Variants in UNC13A observed in about 807,000 individuals in gnomAD.
UNC13A encodes unc-13 homolog A, also known as protein unc-13 homolog A.
In UNC13A, 61 loss-of-function variants were observed where a neutral mutation model predicts 219.7. That is an observed-to-expected ratio of 0.28 (90% confidence interval 0.23 to 0.34). UNC13A has a LOEUF of 0.34. Ranked by LOEUF, UNC13A falls within the 10% of genes least tolerant of loss-of-function variation. The pLI is 1.00. For synonymous variants in UNC13A, 920 were observed against 884.6 expected, an observed-to-expected ratio of 1.04 and a Z score of -0.71; for missense variants, 1,476 against 2,270.3, an observed-to-expected ratio of 0.65 and a Z score of 7.11.
chr19:17,681,437 T>C (rs1568276241), intron 1 of UNC13A, among the ~76,000 whole-genome samples: 1 of 152,156 alleles, frequency 6.6e-6, no homozygotes, highest in Non-Finnish European at 1.5e-5. Flanking sequence ...GGGAGATGGA[T>C]GGGCTTTAGG....
Position 17,674,147 on chromosome 19 carries a change from C to T in UNC13A, c.152+510G>A, listed in dbSNP as rs1037316118. 2.6e-5 allele frequency among the ~76,000 whole-genome samples: 4 copies of T among 152,026 alleles called. No homozygotes were observed. Among genetic ancestry groups the T allele is most frequent in the Non-Finnish European group, 5.9e-5 (4 of 68,016 alleles). On this transcript the variant is annotated intron_variant, in intron 3 of 43. Transcript: ENST00000519716. This position sits in a 1 kb window ranked among gnomAD's most constrained non-coding sequence, Gnocchi z 5.0. ...CAAGCTGAGACCTGAAGGAGAAGAG[C>T]CAGCTGGGGACAGGAGAGCAAGTGC...
chr19:17,641,514 C>T lies in UNC13A; in HGVS notation c.2515G>A (p.Val839Met), dbSNP rs780362699. Residue 839 changes from valine (V) to methionine (M), a missense_variant, in exon 21 of 44, where the codon GTG becomes ATG. By Grantham distance (21) the Val-to-Met change is conservative. Transcript: ENST00000519716. ...FVTDVQNNGV[V>M]KIPDAKGDDA... ...TCACCCTTGGCATCTGGGATCTTCA[C>T]GACCCCATTGTTCTGCACGTCGGTC... 2.6e-5 allele frequency: 42 copies of T among 1,613,932 alleles called. No individual in the cohort carries two copies. Among genetic ancestry groups the T allele is most frequent in the South Asian group, 5.5e-5 (5 of 91,078 alleles).
At chr19:17,630,082 C>T in intron 30 of UNC13A, 63 bp downstream of exon 30, 4 of 1,519,778 alleles carry the variant, frequency 2.6e-6, no homozygotes, top group Non-Finnish European at 3.6e-6. Flanking sequence ...ATCTCCAACT[C>T]AGACTTCAAT....
At chr19:17,606,999 T>G (rs1327422410) in intron 43 of UNC13A, among the ~76,000 whole-genome samples, 1 of 152,078 alleles carries the variant, frequency 6.6e-6, no homozygotes, top group Non-Finnish European at 1.5e-5. Context: ...TTCTCCCTCT[T>G]GTCCACCTCC....
rs537527430 is a variant in UNC13A at position 17,683,633 on chromosome 19, G to A, written c.22+4545C>T. ...AGATCACACCACTACACTGCAGTCC[G>A]GGTGACAGAGTGAGACCGTGTCTCA... On this transcript the variant is annotated intron_variant, in intron 1 of 43. Coordinates refer to ENST00000519716, the MANE Select transcript of UNC13A (RefSeq NM_001080421.3). Among the ~76,000 whole-genome samples, 4 of 152,078 alleles carry A rather than the reference G, an allele frequency of 2.6e-5. No individual in the cohort carries two copies. The South Asian group carries it at 6.2e-4, about 24-fold the overall frequency.
At chr19:17,630,784 C>T (rs2076834875) in intron 28 of UNC13A, 34 bp from the exon 29 acceptor site, 3 of 1,598,318 alleles carry the variant, frequency 1.9e-6, no homozygotes, top group East Asian at 2.2e-5. Context: ...GCTCTGCCAC[C>T]TCTTGTCCTC....
intron 25 of UNC13A, among the ~76,000 whole-genome samples, chr19:17,638,810 C>G (rs2076937728): frequency 6.6e-6 from 1 of 151,764 alleles, no homozygotes; most frequent in Admixed American, 6.6e-5. Context: ...GCCTGGGAAG[C>G]AAGAGTGAAA....
Position 17,635,905 on chromosome 19 carries a change from A to G in UNC13A, c.3215+119T>C, listed in dbSNP as rs1030940299. ...TTGCACAGGTATAATCAGACCCACA[A>G]TTACCCCCAGGTGCACATTTGTGTA... On this transcript the variant is annotated intron_variant, in intron 26 of 43. Coordinates refer to ENST00000519716, the MANE Select transcript of UNC13A (RefSeq NM_001080421.3). 8 of 1,309,176 alleles carry G rather than the reference A, an allele frequency of 6.1e-6. No individual in the cohort carries two copies. The African/African-American group carries it at 1.2e-4, about 19-fold the overall frequency. The allele number at this position is 1,309,176 out of a possible 1,614,324, so 81.1% of individuals were successfully genotyped here.
At chr19:17,681,023 T>C (rs1324946087) in intron 1 of UNC13A, among the ~76,000 whole-genome samples, 1 of 146,276 alleles carries the variant, frequency 6.8e-6, no homozygotes, top group East Asian at 2.1e-4. Context: ...ACTCAGCCTC[T>C]CGAGTAGCTG....
intron 8 of UNC13A, among the ~76,000 whole-genome samples, chr19:17,658,699 C>T (rs7247279): frequency 0.58 from 88,289 of 151,966 alleles, 26,602 homozygotes; most frequent in Middle Eastern, 0.63. Flanking sequence ...TCAAAGTGGA[C>T]GGAACGCTCT....
chr19:17,671,222 A>G (rs2145905616), intron 4 of UNC13A, among the ~76,000 whole-genome samples: 1 of 152,184 alleles, frequency 6.6e-6, no homozygotes, highest in East Asian at 1.9e-4. Flanking sequence ...TTAGAAGGTG[A>G]TGGAAAGGAG....
intron 20 of UNC13A, among the ~76,000 whole-genome samples, chr19:17,642,390 C>G (rs565026623): frequency 6.6e-6 from 1 of 152,314 alleles, no homozygotes; most frequent in East Asian, 1.9e-4. Flanking sequence ...ACCAACTCAT[C>G]CATCTATCCA....
intron 5 of UNC13A, 66 bp from the exon 6 acceptor site, chr19:17,668,256 G>T: frequency 1.3e-6 from 2 of 1,510,950 alleles, no homozygotes; most frequent in Non-Finnish European, 1.8e-6. Context: ...CATCCTCCAG[G>T]CCTACTGAGC....
chr19:17,658,163 T>C lies in UNC13A; in HGVS notation c.666A>G (p.Ser222=). ...PYYTTSQPNA[S]VHQYSVRPPP... ...GTGGGCGAACAGAATATTGGTGGAC[T>C]GAGGCGTTGGGTTGTGACGTAGTAT... The change falls in exon 9 of 44, where the codon TCA becomes TCG. Residue 222 remains serine (S), a synonymous_variant. Transcript: ENST00000519716. 2 of 1,613,932 alleles carry C rather than the reference T, an allele frequency of 1.2e-6. No individual in the cohort carries two copies. Among genetic ancestry groups the C allele is most frequent in the Non-Finnish European group, 1.7e-6 (2 of 1,179,886 alleles).
rs865985665 is a variant in UNC13A at position 17,617,581 on chromosome 19, A to C, written c.4558+121T>G. The stretch of plus-strand genomic sequence containing the variant: ...TCATTGGTCCCTGGACTTGGTGCAG[A>C]GATGTCAATTCCGCCCCATCCATGA... On this transcript the variant is annotated intron_variant, in intron 41 of 43. Transcript: ENST00000519716. 46 of 1,413,778 alleles carry C rather than the reference A, an allele frequency of 3.3e-5. No homozygotes were observed. In the African/African-American group the frequency reaches 4.1e-4, roughly 13 times the overall value. The allele number at this position is 1,413,778 out of a possible 1,614,324, so 87.6% of individuals were successfully genotyped here.
Position 17,639,065 on chromosome 19 carries a change from A to C in UNC13A, c.3081+18T>G. 6.4e-7 allele frequency: 1 copy of C among 1,567,636 alleles called. No individual in the cohort carries two copies. Reference sequence around the variant, plus strand: ...TAGTTGGCATCACTGTTCCCTTCTGACCCATCTGGAGTCTCACCGGGTCTG... The same window carrying C: ...TAGTTGGCATCACTGTTCCCTTCTGCCCCATCTGGAGTCTCACCGGGTCTG... On this transcript the variant is annotated intron_variant, in intron 25 of 43. Transcript: ENST00000519716.
Position 17,674,309 on chromosome 19 carries a change from G to C in UNC13A, c.152+348C>G, listed in dbSNP as rs548354419. On this transcript the variant is annotated intron_variant, in intron 3 of 43. Transcript: ENST00000519716. This position sits in a 1 kb window ranked among gnomAD's most constrained non-coding sequence, Gnocchi z 5.0. ...AGGCTGTGGGTTTTATTGTGAGGTC[G>C]ATGAGCCACGGACAAGTTTGGAACA... is the stretch of plus-strand genomic sequence containing the variant. 6.6e-6 allele frequency among the ~76,000 whole-genome samples: 1 copy of C among 152,184 alleles called. No individual in the cohort carries two copies. Among genetic ancestry groups the C allele is most frequent in the Non-Finnish European group, 1.5e-5 (1 of 68,026 alleles).
chr19:17,648,319 C>G, intron 16 of UNC13A, 112 bp downstream of exon 16: 4 of 540,634 alleles, frequency 7.4e-6, no homozygotes, highest in East Asian at 1.0e-4. Context: ...CCGCCCCTTG[C>G]CCCGCCCCAT....
Position 17,642,955 on chromosome 19 carries a change from G to T in UNC13A, c.2362C>A (p.Arg788=). Residue 788 remains arginine, a synonymous_variant, in exon 20 of 44, where the codon CGA becomes AGA. Transcript: ENST00000519716. ...EMDVWYNLDK[R]TDKSAVSGAI... is the part of the protein sequence containing the mutation. ...CCCGACACGGCAGATTTGTCAGTTCGCTTGTCTGCAGGGCAGAAAAAGAAG... is the reference window on the plus strand; with the variant it reads ...CCCGACACGGCAGATTTGTCAGTTCTCTTGTCTGCAGGGCAGAAAAAGAAG... 1.2e-6 allele frequency: 2 copies of T among 1,604,360 alleles called. No individual in the cohort carries two copies. Among genetic ancestry groups the T allele is most frequent in the South Asian group, 2.2e-5 (2 of 89,290 alleles).
Sources: gnomAD v4.1 joint callset for allele counts (sites outside exome capture counted in the v4.1 genomes callset) on GRCh38, gnomAD v4.1.1 for gene constraint, Gnocchi (gnomAD v3.1) non-coding constraint, MANE v1.5 for transcripts, NCBI Gene and HGNC (gene_info 2026-07-23, HGNC 2026-07-21) for gene names.